TMEM117: variants seen among roughly 807,000 people sequenced by gnomAD.
TMEM117 encodes the protein transmembrane protein 117.
A neutral mutation model predicts 52.4 loss-of-function variants in TMEM117; 27 were observed. The ratio of observed to expected loss-of-function variants is 0.51; its 90% CI spans 0.38 to 0.71. TMEM117 has a LOEUF of 0.71. Among genes scored for constraint, TMEM117 ranks in the 30% least tolerant of loss-of-function variants. The probability of loss-of-function intolerance (pLI) is 0.00; values close to 1 mark genes in which losing one functional copy is unlikely to be tolerated. For missense variants in TMEM117, 556 were observed against 630.5 expected, an observed-to-expected ratio of 0.88 and a Z score of 1.26; for synonymous variants, 215 against 206.3, an observed-to-expected ratio of 1.04 and a Z score of -0.36.
chr12:44,044,311 C>T (rs1946847666), intron 3 of TMEM117, among the ~76,000 whole-genome samples: 2 of 152,176 alleles, frequency 1.3e-5, no homozygotes, highest in Non-Finnish European at 2.9e-5. Flanking sequence ...AAGGCCCTGC[C>T]ATTCTTCTGC....
intron 2 of TMEM117, among the ~76,000 whole-genome samples, chr12:43,863,587 AAGGGCAGACCCACAG>A (rs1318373383): frequency 6.6e-6 from 1 of 152,240 alleles, no homozygotes; most frequent in East Asian, 1.9e-4. Flanking sequence ...AAATCTTAGA[AAGGGCAGACCCACAG>A]AGGGAAGCCC....
intron 4 of TMEM117, among the ~76,000 whole-genome samples, chr12:44,153,989 T>C (rs1379230037): frequency 6.6e-6 from 1 of 152,092 alleles, no homozygotes; most frequent in Non-Finnish European, 1.5e-5. Context: ...GTTTGGGATA[T>C]ATTCTTCTCT....
intron 2 of TMEM117, among the ~76,000 whole-genome samples, chr12:43,912,420 T>C (rs1944522665): frequency 6.6e-6 from 1 of 150,880 alleles, no homozygotes; most frequent in African/African-American, 2.5e-5. Flanking sequence ...GTGGGTGCAG[T>C]GCACCAGCAT....
intron 6 of TMEM117, among the ~76,000 whole-genome samples, chr12:44,354,695 A>C (rs1221416169): frequency 6.6e-6 from 1 of 151,992 alleles, no homozygotes; most frequent in Non-Finnish European, 1.5e-5. Flanking sequence ...ATCTATGACA[A>C]ACCCACAGCC....
At chr12:44,095,513 A>G (rs1947743263) in intron 3 of TMEM117, among the ~76,000 whole-genome samples, 1 of 152,124 alleles carries the variant, frequency 6.6e-6, no homozygotes, top group Admixed American at 6.6e-5. Context: ...ATATGTGTTT[A>G]GTTGAATAGA....
At chr12:43,975,634 T>A (rs987726993) in intron 3 of TMEM117, among the ~76,000 whole-genome samples, 4 of 152,198 alleles carry the variant, frequency 2.6e-5, no homozygotes, top group Non-Finnish European at 5.9e-5. Flanking sequence ...AAAGTAAAAA[T>A]GATAATATCG....
rs145750824 is a variant in TMEM117 at position 44,172,758 on chromosome 12, T to C, written c.510+29134T>C. 5.5e-3 allele frequency among the ~76,000 whole-genome samples: 834 copies of C among 152,318 alleles called. 5 individuals carry two copies. The highest frequency in any genetic ancestry group is 0.02 in the Middle Eastern group (6 of 294). ...TCTTTTTTTTGAGACTGAGTTTCGC[T>C]GTGTCACCCAGGCTGGAGTGCAGTG... is the stretch of plus-strand genomic sequence containing the variant. On this transcript the variant is annotated intron_variant, in intron 4 of 7. Transcript: ENST00000266534.
intron 5 of TMEM117, among the ~76,000 whole-genome samples, chr12:44,220,159 G>A (rs1051159314): frequency 3.3e-5 from 5 of 152,150 alleles, no homozygotes; most frequent in African/African-American, 1.2e-4. Context: ...GAATTAATAT[G>A]AAGGGAACTA....
chr12:44,117,344 G>GTT (rs148021933), intron 3 of TMEM117, among the ~76,000 whole-genome samples: 2,943 of 151,138 alleles, frequency 0.019, 78 homozygotes, highest in African/African-American at 0.066. Context: ...ATAGCATACT[G>GTT]TTTTTTTTTC....
intron 5 of TMEM117, among the ~76,000 whole-genome samples, chr12:44,212,277 T>A (rs992897634): frequency 6.6e-6 from 1 of 152,174 alleles, no homozygotes; most frequent in Non-Finnish European, 1.5e-5. Flanking sequence ...TTGTCTAGCG[T>A]CTATCCATGC....
At chr12:43,810,907 A>T in the TMEM117 span, among the ~76,000 whole-genome samples, 1 of 152,218 alleles carries the variant, frequency 6.6e-6, no homozygotes, top group Non-Finnish European at 1.5e-5. Flanking sequence ...TGTGCCAATG[A>T]AGGAGTTAAC....
rs1338521401 is a variant in TMEM117, at chr12:44,291,385, T to TGTTTGTTTGTTTG, written c.609-8195_609-8194insGTTTGTTTGTTTG. On this transcript the variant is annotated intron_variant, in intron 5 of 7. Coordinates refer to ENST00000266534, the MANE Select transcript of TMEM117 (RefSeq NM_032256.3). The stretch of plus-strand genomic sequence containing the variant: ...TATTAGTTCTAACAGTTTTTTTTTT[T>TGTTTGTTTGTTTG]TTTTTTTTTTTTGGTGGAGTCTTTA... Among the ~76,000 whole-genome samples, 482 of 148,906 alleles carry TGTTTGTTTGTTTG rather than the reference T, an allele frequency of 3.2e-3. 5 individuals carry two copies. The highest frequency in any genetic ancestry group is 0.011 in the African/African-American group (431 of 40,374).
At chr12:43,799,266 TCTAAA>T in the TMEM117 span, 12 of 536,178 alleles carry the variant, frequency 2.2e-5, no homozygotes, top group South Asian at 1.6e-4. Context: ...TAGCCTTATC[TCTAAA>T]CTAAACGGAA....
At chr12:44,211,849 T>C (rs756839945) in intron 5 of TMEM117, among the ~76,000 whole-genome samples, 12 of 152,216 alleles carry the variant, frequency 7.9e-5, no homozygotes, top group Non-Finnish European at 1.5e-4. Flanking sequence ...GCCCAATCTT[T>C]GCAATTAAAA....
At chr12:44,220,015 T>C (rs1158132605) in intron 5 of TMEM117, among the ~76,000 whole-genome samples, 1 of 152,178 alleles carries the variant, frequency 6.6e-6, no homozygotes, top group Non-Finnish European at 1.5e-5. Flanking sequence ...TTTAGCATGC[T>C]CATTCCATAG....
intron 3 of TMEM117, among the ~76,000 whole-genome samples, chr12:44,031,105 A>G (rs112873969): frequency 3.3e-5 from 5 of 152,314 alleles, no homozygotes; most frequent in African/African-American, 9.6e-5. Context: ...TGCAACAGTG[A>G]CATTTGGCTT....
intron 3 of TMEM117, among the ~76,000 whole-genome samples, chr12:44,011,707 G>A (rs1161391512): frequency 6.6e-6 from 1 of 151,460 alleles, no homozygotes. Context: ...TTATAAGTTA[G>A]GCATAGTAAG....
At chr12:43,813,400 T>A in the TMEM117 span, among the ~76,000 whole-genome samples, 2 of 151,730 alleles carry the variant, frequency 1.3e-5, no homozygotes, top group Admixed American at 1.3e-4. Context: ...CCTGCCACCA[T>A]GCCTGACTAA....
chr12:44,085,213 T>G (rs1270929342), intron 3 of TMEM117, among the ~76,000 whole-genome samples: 1 of 152,230 alleles, frequency 6.6e-6, no homozygotes, highest in Non-Finnish European at 1.5e-5. Context: ...GTGTTTTGTT[T>G]CCATAATTAC....
Sources: gnomAD v4.1 joint callset for allele counts (sites outside exome capture counted in the v4.1 genomes callset) on GRCh38, gnomAD v4.1.1 for gene constraint, MANE v1.5 for transcripts, NCBI Gene and HGNC (gene_info 2026-07-23, HGNC 2026-07-21) for gene names.